PLXDC2: variants seen among roughly 807,000 people sequenced by gnomAD.
PLXDC2 encodes plexin domain-containing protein 2.
In PLXDC2, 40 loss-of-function variants were observed where a neutral mutation model predicts 68.9. That is an observed-to-expected ratio of 0.58 (90% CI 0.45 to 0.76). The LOEUF (loss-of-function observed/expected upper bound fraction) is 0.76. Among genes scored for constraint, PLXDC2 ranks in the 30% least tolerant of loss-of-function variants. The probability of loss-of-function intolerance (pLI) is 0.00; values close to 1 mark genes in which losing one functional copy is unlikely to be tolerated. For synonymous variants in PLXDC2, 243 were observed against 234.2 expected, an observed-to-expected ratio of 1.04 and a Z score of -0.34; for missense variants, 644 against 661.9, an observed-to-expected ratio of 0.97 and a Z score of 0.30.
At chr10:20,050,209 A>G (rs1345278012) in intron 3 of PLXDC2, among the ~76,000 whole-genome samples, 1 of 152,132 alleles carries the variant, frequency 6.6e-6, no homozygotes, top group African/African-American at 2.4e-5. Flanking sequence ...CAAAAAATCA[A>G]TTCGAGATGG....
At chr10:20,176,388 T>TTGTGTGTG (rs759965037) in intron 7 of PLXDC2, among the ~76,000 whole-genome samples, 4 of 26,060 alleles carry the variant, frequency 1.5e-4, no homozygotes, top group Non-Finnish European at 2.9e-4. Flanking sequence ...TCTCGCACAG[T>TTGTGTGTG]TATGTGTGTG....
intron 13 of PLXDC2, among the ~76,000 whole-genome samples, chr10:20,267,278 C>T (rs116722438): frequency 0.015 from 2,225 of 152,210 alleles, 50 homozygotes; most frequent in African/African-American, 0.049. Flanking sequence ...AAGGCCATAG[C>T]TTCTTACTAA....
intron 4 of PLXDC2, among the ~76,000 whole-genome samples, chr10:20,142,403 A>C (rs1021190999): frequency 2.5e-4 from 38 of 152,230 alleles, no homozygotes; most frequent in Middle Eastern, 3.4e-3. Context: ...AAAATTAGTT[A>C]GCAATCCCTG....
chr10:19,979,354 T>A (rs563408445), intron 1 of PLXDC2, among the ~76,000 whole-genome samples: 2 of 152,104 alleles, frequency 1.3e-5, no homozygotes, highest in South Asian at 4.1e-4. Flanking sequence ...CTTCCTTTCA[T>A]CTGTCTATCA....
chr10:19,865,170 T>C (rs1361814148), intron 1 of PLXDC2, among the ~76,000 whole-genome samples: 2 of 152,198 alleles, frequency 1.3e-5, no homozygotes, highest in South Asian at 2.1e-4. Context: ...AGGAGGAAAG[T>C]AGATTTGTGT....
intron 1 of PLXDC2, among the ~76,000 whole-genome samples, chr10:19,921,244 A>G (rs1025658916): frequency 1.5e-4 from 23 of 152,204 alleles, no homozygotes; most frequent in Admixed American, 5.9e-4. Flanking sequence ...TTTTAAAAGT[A>G]TCACTTAGAA....
intron 4 of PLXDC2, among the ~76,000 whole-genome samples, chr10:20,105,170 A>G (rs1833475517): frequency 6.6e-6 from 1 of 151,182 alleles, no homozygotes. Flanking sequence ...TTTCCTTGAG[A>G]CTCTCCACCC....
intron 1 of PLXDC2, among the ~76,000 whole-genome samples, chr10:19,830,367 GGTCAGCATCTACCAT>G (rs1220275225): frequency 6.6e-6 from 1 of 152,132 alleles, no homozygotes; most frequent in Non-Finnish European, 1.5e-5. Flanking sequence ...AATCCGTTCA[GGTCAGCATCTACCAT>G]GTAATCAACA....
intron 12 of PLXDC2, among the ~76,000 whole-genome samples, chr10:20,236,548 T>C (rs998069630): frequency 3.3e-5 from 5 of 152,146 alleles, no homozygotes; most frequent in African/African-American, 1.2e-4. Flanking sequence ...AAGTTAGATG[T>C]CATAAAGATC....
At chr10:20,217,987 T>C (rs747378189) in intron 11 of PLXDC2, among the ~76,000 whole-genome samples, 19 of 152,100 alleles carry the variant, frequency 1.2e-4, no homozygotes, top group Non-Finnish European at 2.2e-4. Context: ...AATAAATAAT[T>C]CTATTAATAT....
At chr10:20,216,175 TG>T (rs1334950241) in intron 10 of PLXDC2, among the ~76,000 whole-genome samples, 5 of 151,872 alleles carry the variant, frequency 3.3e-5, no homozygotes, top group Non-Finnish European at 7.4e-5. Flanking sequence ...GTTGAAGTAA[TG>T]GGGGAAAAAG....
At chr10:20,058,939 T>G (rs1836050501) in intron 3 of PLXDC2, among the ~76,000 whole-genome samples, 1 of 152,186 alleles carries the variant, frequency 6.6e-6, no homozygotes, top group African/African-American at 2.4e-5. Context: ...TTCCAAAGTT[T>G]CCTTACAGCA....
chr10:20,224,550 A>G (rs1016952667), intron 12 of PLXDC2, among the ~76,000 whole-genome samples: 4 of 152,166 alleles, frequency 2.6e-5, no homozygotes, highest in African/African-American at 9.7e-5. Context: ...TGCAAACTGG[A>G]TAAAGTTATA....
intron 1 of PLXDC2, among the ~76,000 whole-genome samples, chr10:19,897,502 C>T (rs1418684538): frequency 6.6e-6 from 1 of 152,158 alleles, no homozygotes; most frequent in Non-Finnish European, 1.5e-5. Flanking sequence ...GCCTCGGCCT[C>T]CCAAAGTGCT....
intron 1 of PLXDC2, among the ~76,000 whole-genome samples, chr10:19,824,027 A>C (rs1392999209): frequency 1.3e-5 from 2 of 152,158 alleles, no homozygotes; most frequent in Admixed American, 6.5e-5. Context: ...AATAATAAAA[A>C]ATCTTGCTGT....
chr10:20,255,225 A>G lies in PLXDC2; in HGVS notation c.1473+9720A>G, dbSNP rs533659083. 5.9e-5 allele frequency among the ~76,000 whole-genome samples: 9 copies of G among 151,708 alleles called. No individual in the cohort carries two copies. In the South Asian group the frequency reaches 1.9e-3, roughly 32 times the overall value. ...GATAGATAGATAGATAGATAGATAGATAGATAGATACCACAGAAAGATTCT... is the reference window on the plus strand; with the variant it reads ...GATAGATAGATAGATAGATAGATAGGTAGATAGATACCACAGAAAGATTCT... On this transcript the variant is annotated intron_variant, in intron 13 of 13. Transcript: ENST00000377252.
chr10:19,881,678 A>C (rs1043199746), intron 1 of PLXDC2, among the ~76,000 whole-genome samples: 1 of 152,230 alleles, frequency 6.6e-6, no homozygotes, highest in Non-Finnish European at 1.5e-5. Flanking sequence ...TTATTGAGAA[A>C]ATGAAAAGGG....
intron 9 of PLXDC2, among the ~76,000 whole-genome samples, chr10:20,186,751 T>C (rs1297838118): frequency 7.0e-6 from 1 of 143,264 alleles, no homozygotes; most frequent in Non-Finnish European, 1.6e-5. Context: ...GATCTTCTTC[T>C]TTTTTTATGG....
intron 7 of PLXDC2, among the ~76,000 whole-genome samples, chr10:20,166,039 G>A (rs187691702): frequency 5.3e-5 from 8 of 152,092 alleles, no homozygotes; most frequent in African/African-American, 1.9e-4. Flanking sequence ...TTTCTCTTTT[G>A]TTCAAAGTTC....
Sources: gnomAD v4.1 joint callset for allele counts (sites outside exome capture counted in the v4.1 genomes callset) on GRCh38, gnomAD v4.1.1 for gene constraint, MANE v1.5 for transcripts, NCBI Gene and HGNC (gene_info 2026-07-23, HGNC 2026-07-21) for gene names.